The following TCEA2 variants were observed in gnomAD, a reference collection of about 807,000 sequenced individuals.
TCEA2 encodes transcription elongation factor A2.
A neutral mutation model predicts 40.8 loss-of-function variants in TCEA2; 21 were observed. That is an observed-to-expected ratio of 0.51 (90% confidence interval 0.36 to 0.74). The LOEUF (loss-of-function observed/expected upper bound fraction) is 0.74, where lower values mean the gene tolerates loss of function less well. Among genes scored for constraint, TCEA2 ranks in the 30% least tolerant of loss-of-function variants. TCEA2 has a pLI of 0.00. For missense variants in TCEA2, 326 were observed against 426.5 expected, an observed-to-expected ratio of 0.76 and a Z score of 2.08; for synonymous variants, 165 against 162.7, an observed-to-expected ratio of 1.01 and a Z score of -0.11.
chr20:64,072,291 G>A lies in TCEA2; in HGVS notation c.*111G>A. The A allele has an allele frequency of 1.7e-6, 2 of 1,200,154 alleles. No individual in the cohort carries two copies. The highest frequency in any genetic ancestry group is 1.4e-5 in the South Asian group (1 of 73,954). The allele number at this position is 1,200,154 out of a possible 1,614,324, so 74.3% of individuals were successfully genotyped here. A position where few individuals can be genotyped will look rare whatever the true frequency, so the allele number is the denominator to read the frequency against. On this transcript the variant is annotated 3_prime_UTR_variant, in exon 10 of 10. Coordinates refer to ENST00000343484, the MANE Select transcript of TCEA2 (RefSeq NM_003195.6). The stretch of plus-strand genomic sequence containing the variant: ...GGCATGTCCTGCCCTCAACCTGCCT[G>A]CCTGGATTGCACCTTTCTGCCCTTT...
At chr20:64,058,769 C>T (rs964437633), upstream of TCEA2, among the ~76,000 whole-genome samples, 4 of 152,238 alleles carry the variant, frequency 2.6e-5, no homozygotes, top group African/African-American at 9.6e-5. This position sits in a 1 kb window ranked among gnomAD's most constrained non-coding sequence, Gnocchi z 6.7. Flanking sequence ...GTCCCAGCAG[C>T]AGCGAGTGTG....
intron 1 of TCEA2, 79 bp from the exon 2 acceptor site, chr20:64,066,397 C>G: frequency 6.6e-7 from 1 of 1,526,164 alleles, no homozygotes; most frequent in Admixed American, 1.7e-5. Context: ...GCCTTGTGTT[C>G]TCCTCCAGTA....
At chr20:64,060,502 A>C (rs1414183848), upstream of TCEA2, among the ~76,000 whole-genome samples, 1 of 152,162 alleles carries the variant, frequency 6.6e-6, no homozygotes. Flanking sequence ...TCTGGCTGTC[A>C]GCCATTGAGA....
At chr20:64,068,260 C>T in intron 4 of TCEA2, 126 bp downstream of exon 4, 1 of 822,046 alleles carries the variant, frequency 1.2e-6, no homozygotes, top group Non-Finnish European at 2.0e-6. Flanking sequence ...CGGTCAGCCT[C>T]ATGCTGGACA....
chr20:64,063,183 G>A (rs919472251), upstream of TCEA2: 2 of 791,224 alleles, frequency 2.5e-6, no homozygotes, highest in Admixed American at 9.2e-5. Flanking sequence ...GGTTTGAACC[G>A]GGGGTCTGTC....
chr20:64,066,433 T>G (rs2059695472), intron 1 of TCEA2, 43 bp from the exon 2 acceptor site: 783 of 1,587,748 alleles, frequency 4.9e-4, no homozygotes, highest in Non-Finnish European at 6.2e-4. Flanking sequence ...TATTGTCTGT[T>G]GAGATCTAAA....
At chr20:64,071,540 C>A (rs1216542821) in intron 8 of TCEA2, among the ~76,000 whole-genome samples, 1 of 152,176 alleles carries the variant, frequency 6.6e-6, no homozygotes, top group Non-Finnish European at 1.5e-5. Context: ...GAGGCTCACC[C>A]TTGGGCCTTC....
chr20:64,066,255 C>T (rs1042148355), intron 1 of TCEA2: 1 of 514,644 alleles, frequency 1.9e-6, no homozygotes, highest in Non-Finnish European at 3.5e-6. Flanking sequence ...CTGCAGAACC[C>T]CTCCCCTTCT....
intron 4 of TCEA2, among the ~76,000 whole-genome samples, chr20:64,068,915 C>T (rs1348602947): frequency 6.6e-6 from 1 of 152,248 alleles, no homozygotes; most frequent in African/African-American, 2.4e-5. Flanking sequence ...GGCGGCCCCG[C>T]CTTGTCTCCC....
Position 64,070,268 on chromosome 20 carries a change from C to G in TCEA2, c.526C>G (p.Arg176Gly). ...LSAQIEECIF[R>G]DVGNTDMKYK... is the part of the protein sequence containing the mutation. ...CCTTAAAACACTTGCACGCATCTTC[C>G]GGGACGTTGGAAACACAGACATGAA... The change falls in exon 7 of 10, where the codon CGG (arginine) becomes GGG (glycine). Residue 176 changes from arginine (R) to glycine (G), a missense_variant. Physicochemically the swap from Arg to Gly is moderately radical, Grantham distance 125. Transcript: ENST00000343484. 1 of 1,614,126 alleles carries G rather than the reference C, an allele frequency of 6.2e-7. No individual in the cohort carries two copies. The highest frequency in any genetic ancestry group is 8.5e-7 in the Non-Finnish European group (1 of 1,179,992).
intron 9 of TCEA2, 31 bp from the exon 10 acceptor site, chr20:64,072,140 CA>C: frequency 6.2e-7 from 1 of 1,613,158 alleles, no homozygotes; most frequent in South Asian, 1.1e-5. Context: ...CATGTGGCCA[CA>C]AGGCTGGAGG....
chr20:64,069,224 T>G (rs2059767169), intron 4 of TCEA2, 137 bp from the exon 5 acceptor site: 1 of 1,320,090 alleles, frequency 7.6e-7, no homozygotes, highest in African/African-American at 1.5e-5. Flanking sequence ...CACAGGCCAC[T>G]GTTGGACTCT....
At chr20:64,067,977 C>A in intron 3 of TCEA2, 70 bp from the exon 4 acceptor site, 1 of 1,232,278 alleles carries the variant, frequency 8.1e-7, no homozygotes, top group South Asian at 1.4e-5. Context: ...GAGGCTGTAC[C>A]TTGGTGGTGG....
In TCEA2 at chr20:64,072,283, A is replaced by G. The variant is rs991877100; in HGVS notation, c.*103A>G. 8 of 1,308,226 alleles carry G rather than the reference A, an allele frequency of 6.1e-6. No individual in the cohort carries two copies. The African/African-American group carries it at 8.8e-5, about 14-fold the overall frequency. 81.0% of individuals were successfully genotyped at this position (1,308,226 alleles called of 1,614,324 possible). On this transcript the variant is annotated 3_prime_UTR_variant, in exon 10 of 10. Transcript: ENST00000343484. ...TAGAAGGCGGCATGTCCTGCCCTCAACCTGCCTGCCTGGATTGCACCTTTC... is the reference window on the plus strand; with the variant it reads ...TAGAAGGCGGCATGTCCTGCCCTCAGCCTGCCTGCCTGGATTGCACCTTTC...
At chr20:64,070,718 C>T (rs942348806) in intron 8 of TCEA2, 83 bp downstream of exon 8, 19 of 1,445,782 alleles carry the variant, frequency 1.3e-5, no homozygotes, top group African/African-American at 2.9e-5. Context: ...TGCCTATTCC[C>T]GCCTCTGCTG....
chr20:64,068,067 AG>A lies in TCEA2; in HGVS notation c.265del (p.Glu89SerfsTer58). 1 of 1,606,036 alleles carries A rather than the reference AG, an allele frequency of 6.2e-7. No individual in the cohort carries two copies. The highest frequency in any genetic ancestry group is 8.5e-7 in the Non-Finnish European group (1 of 1,176,658). ...TGCAGATGCTTCCGATGCCAAAGCC[AG>A]GGAGCGGGGGAGGGGCATGCCTCTG... is the stretch of plus-strand genomic sequence containing the variant. ...KLLDASDAKA[R>X]ERGRGMPLPT... On this transcript the variant is annotated frameshift_variant, in exon 4 of 10. Coordinates refer to ENST00000343484, the MANE Select transcript of TCEA2 (RefSeq NM_003195.6). LOFTEE classifies it high-confidence loss of function.
upstream of TCEA2, among the ~76,000 whole-genome samples, chr20:64,059,395 C>T (rs2059521539): frequency 6.6e-6 from 1 of 151,988 alleles, no homozygotes; most frequent in South Asian, 2.1e-4. Flanking sequence ...TAGGCCCTGT[C>T]CTGCAGTGGG....
At chr20:64,066,301 G>T (rs2059692312) in intron 1 of TCEA2, 175 bp from the exon 2 acceptor site, 2 of 667,900 alleles carry the variant, frequency 3.0e-6, no homozygotes, top group East Asian at 2.7e-5. Flanking sequence ...TGTGGTGCAG[G>T]AACATGTGGG....
In TCEA2 at chr20:64,072,131, A is replaced by G. The variant is rs758494984; in HGVS notation, c.892-41A>G. The G allele has an allele frequency of 8.1e-6, 13 of 1,611,308 alleles. No homozygotes were observed. The African/African-American group carries it at 1.5e-4, about 18-fold the overall frequency. ...GCGGCCTTCCACTCTGGGGGATCTC[A>G]TGTGGCCACAAGGCTGGAGGCCTCA... On this transcript the variant is annotated intron_variant, in intron 9 of 9. Transcript: ENST00000343484.
Sources: allele counts gnomAD v4.1 joint callset (sites outside exome capture counted in the v4.1 genomes callset), GRCh38; gene constraint gnomAD v4.1.1; non-coding constraint Gnocchi (gnomAD v3.1); transcripts MANE v1.5; gene names NCBI Gene and HGNC (gene_info 2026-07-23, HGNC 2026-07-21).